Variants in B3GAT2 observed in about 807,000 individuals in gnomAD.
B3GAT2 encodes beta-1,3-glucuronyltransferase 2, also known as galactosylgalactosylxylosylprotein 3-beta-glucuronosyltransferase 2.
In B3GAT2, 26 loss-of-function variants were observed where a neutral mutation model predicts 27.8. That is an observed-to-expected ratio of 0.93 (90% CI 0.68 to 1.30). The LOEUF (loss-of-function observed/expected upper bound fraction) is 1.30, where lower values mean the gene tolerates loss of function less well. B3GAT2 is among the 50% of genes most tolerant of loss of function. B3GAT2 has a pLI of 0.00. For synonymous variants in B3GAT2, 218 were observed against 195.1 expected, an observed-to-expected ratio of 1.12 and a Z score of -0.98; for missense variants, 458 against 459.0, an observed-to-expected ratio of 1.00 and a Z score of 0.02.
At chr6:70,950,400 G>A (rs1241218777) in intron 1 of B3GAT2, among the ~76,000 whole-genome samples, 1 of 151,976 alleles carries the variant, frequency 6.6e-6, no homozygotes, top group Non-Finnish European at 1.5e-5. Flanking sequence ...AGAAAGACCT[G>A]AATTCAAAAA....
rs554377076 is a variant in B3GAT2, at chr6:70,956,273, G to A, written c.157C>T (p.Pro53Ser). The A allele has an allele frequency of 8.7e-6, 14 of 1,608,668 alleles. No homozygotes were observed. Among genetic ancestry groups the A allele is most frequent in the African/African-American group, 1.3e-5 (1 of 74,868 alleles). Residue 53 changes from proline to serine, a missense_variant, in exon 1 of 4, where the codon CCG becomes TCG. By Grantham distance (74) the Pro-to-Ser change is moderately conservative. Transcript: ENST00000230053. ...YAVGRGGARL[P>S]LRRGGPAHGT... ...TGAGCCGGGCCGCCCCTGCGGAGCG[G>A]GAGTCGGGCGCCCCCGCGGCCCACC...
chr6:70,879,608 G>T (rs1157794485), intron 2 of B3GAT2, among the ~76,000 whole-genome samples: 1 of 152,188 alleles, frequency 6.6e-6, no homozygotes, highest in Non-Finnish European at 1.5e-5. Flanking sequence ...TAGCCCAGGT[G>T]CAGGCTTGTC....
intron 1 of B3GAT2, among the ~76,000 whole-genome samples, chr6:70,911,193 T>G (rs954110969): frequency 1.3e-5 from 2 of 152,218 alleles, no homozygotes; most frequent in African/African-American, 4.8e-5. Flanking sequence ...CGTTTTTTTG[T>G]TGCAATTGCT....
At position 70,933,570 on chromosome 6, in the gene B3GAT2, T is replaced by C. The variant is rs118085780; in HGVS notation, c.591+22269A>G. ...TCTTGCCAGTGTGAACAGATGTAGC[T>C]GAGGAACTTATCAAAGTTATAAAAA... On this transcript the variant is annotated intron_variant, in intron 1 of 3. Coordinates refer to ENST00000230053, the MANE Select transcript of B3GAT2 (RefSeq NM_080742.3). 8.8e-3 allele frequency among the ~76,000 whole-genome samples: 1,340 copies of C among 152,332 alleles called. 7 individuals carry two copies. The highest frequency in any genetic ancestry group is 0.016 in the Admixed American group (252 of 15,298).
intron 2 of B3GAT2, among the ~76,000 whole-genome samples, chr6:70,874,770 G>C (rs1771986950): frequency 1.3e-5 from 2 of 152,110 alleles, no homozygotes. Flanking sequence ...CTTGTGAACA[G>C]GGTTTTCTAG....
chr6:70,951,693 A>G (rs1001968977), intron 1 of B3GAT2, among the ~76,000 whole-genome samples: 1 of 152,190 alleles, frequency 6.6e-6, no homozygotes, highest in Non-Finnish European at 1.5e-5. Flanking sequence ...CAAATACTGT[A>G]CACCCAGGGA....
In B3GAT2 at chr6:70,858,297, T is replaced by TG. The variant is rs1229238104; in HGVS notation, c.*3365_*3366insC. On this transcript the variant is annotated 3_prime_UTR_variant, in exon 4 of 4. Coordinates refer to ENST00000230053, the MANE Select transcript of B3GAT2 (RefSeq NM_080742.3). ...ATTTATTTTCTAAATCTTTTTTTTT[T>TG]TTTTTTTTTTTTTTTTTTAAGTCTA... The TG allele has an allele frequency of 1.5e-4, 179 of 1,220,826 alleles. No individual in the cohort carries two copies. Among genetic ancestry groups the TG allele is most frequent in the South Asian group, 3.6e-4 (21 of 57,902 alleles). 75.6% of individuals were successfully genotyped at this position (1,220,826 alleles called of 1,614,324 possible). A position where few individuals can be genotyped will look rare whatever the true frequency, so the allele number is the denominator to read the frequency against.
intron 1 of B3GAT2, among the ~76,000 whole-genome samples, chr6:70,946,757 C>A (rs1251614014): frequency 6.6e-6 from 1 of 151,966 alleles, no homozygotes; most frequent in African/African-American, 2.4e-5. Flanking sequence ...GAACTCTCCA[C>A]CCCAAATCAA....
chr6:70,933,380 G>C (rs1253399853), intron 1 of B3GAT2, among the ~76,000 whole-genome samples: 2 of 151,966 alleles, frequency 1.3e-5, no homozygotes, highest in Non-Finnish European at 2.9e-5. Context: ...ATTCATTAAA[G>C]AAGAATGAAA....
At chr6:70,889,678 G>A (rs1562219681) in intron 2 of B3GAT2, among the ~76,000 whole-genome samples, 3 of 151,946 alleles carry the variant, frequency 2.0e-5, no homozygotes, top group Non-Finnish European at 1.5e-5. Context: ...CATACCTCCT[G>A]GCCACTCATC....
chr6:70,923,491 T>C (rs2150042831), intron 1 of B3GAT2, among the ~76,000 whole-genome samples: 1 of 152,212 alleles, frequency 6.6e-6, no homozygotes, highest in East Asian at 1.9e-4. Context: ...ACCTGAGCAG[T>C]GTAGTGAGAC....
intron 1 of B3GAT2, among the ~76,000 whole-genome samples, chr6:70,929,142 T>A (rs924714626): frequency 4.4e-4 from 66 of 150,734 alleles, no homozygotes; most frequent in African/African-American, 1.6e-3. Context: ...TTCTCACTCA[T>A]AGGTGGGAAT....
chr6:70,946,905 C>A (rs1454110936), intron 1 of B3GAT2, among the ~76,000 whole-genome samples: 1 of 152,004 alleles, frequency 6.6e-6, no homozygotes, highest in Non-Finnish European at 1.5e-5. Flanking sequence ...TGCAATCAAA[C>A]TAGAACTCAG....
chr6:70,926,648 CA>C (rs1425300570), intron 1 of B3GAT2, among the ~76,000 whole-genome samples: 1 of 152,138 alleles, frequency 6.6e-6, no homozygotes, highest in East Asian at 1.9e-4. Flanking sequence ...AAGAAATGAA[CA>C]AAGTCTCCAA....
At chr6:70,955,270 T>A (rs886146612) in intron 1 of B3GAT2, among the ~76,000 whole-genome samples, 3 of 152,084 alleles carry the variant, frequency 2.0e-5, no homozygotes, top group East Asian at 1.9e-4. Flanking sequence ...GTGTTTCTTC[T>A]AACAACCATT....
At chr6:70,924,054 A>G (rs559792790) in intron 1 of B3GAT2, among the ~76,000 whole-genome samples, 12 of 152,274 alleles carry the variant, frequency 7.9e-5, no homozygotes, top group Non-Finnish European at 1.6e-4. Flanking sequence ...TGAGTGATGG[A>G]TACCATAAAA....
chr6:70,942,780 ATCT>A (rs1182192674), intron 1 of B3GAT2, among the ~76,000 whole-genome samples: 1 of 152,202 alleles, frequency 6.6e-6, no homozygotes, highest in Admixed American at 6.5e-5. Flanking sequence ...ATATTAAAAC[ATCT>A]TCTGAATAGG....
intron 1 of B3GAT2, among the ~76,000 whole-genome samples, chr6:70,911,828 A>G (rs758391698): frequency 6.6e-6 from 1 of 152,064 alleles, no homozygotes; most frequent in Non-Finnish European, 1.5e-5. Flanking sequence ...TTCTTTCAGC[A>G]CTGTTTTGTA....
chr6:70,880,450 G>C, intron 2 of B3GAT2, among the ~76,000 whole-genome samples: 1 of 152,050 alleles, frequency 6.6e-6, no homozygotes, highest in East Asian at 1.9e-4. Context: ...TTCAAACCTG[G>C]CAATGGAATC....
Sources: allele counts gnomAD v4.1 joint callset (sites outside exome capture counted in the v4.1 genomes callset), GRCh38; gene constraint gnomAD v4.1.1; transcripts MANE v1.5; gene names NCBI Gene and HGNC (gene_info 2026-07-23, HGNC 2026-07-21).